The following ANO10 variants were observed in gnomAD, a reference collection of about 807,000 sequenced individuals.
The protein encoded by ANO10 is anoctamin-10.
ANO10 carries 77 observed loss-of-function variants against 74.7 expected under a neutral mutation model. The observed-to-expected ratio is 1.03, with a 90% CI of 0.86 to 1.25. ANO10 has a LOEUF of 1.25. Among genes scored for constraint, ANO10 ranks in the 50% most tolerant of loss-of-function variants. The pLI, the probability that ANO10 is intolerant of heterozygous loss-of-function variation, is 0.00. For missense variants in ANO10, 721 were observed against 778.1 expected (o/e 0.93, Z 0.87); for synonymous variants, 279 against 284.9 (o/e 0.98, Z 0.21).
intron 1 of ANO10, among the ~76,000 whole-genome samples, chr3:43,614,617 C>T (rs968018721): frequency 1.3e-5 from 2 of 151,662 alleles, no homozygotes; most frequent in Non-Finnish European, 2.9e-5. Flanking sequence ...AGAAAATCTA[C>T]CATTTTCACG....
chr3:43,635,703 T>A (rs1210116062), intron 1 of ANO10, among the ~76,000 whole-genome samples: 1 of 150,556 alleles, frequency 6.6e-6, no homozygotes, highest in Admixed American at 6.7e-5. Context: ...CACTGCAACC[T>A]CCGCCTTCTG....
intron 1 of ANO10, among the ~76,000 whole-genome samples, chr3:43,638,452 T>C (rs1194792435): frequency 6.6e-6 from 1 of 152,188 alleles, no homozygotes; most frequent in Non-Finnish European, 1.5e-5. Context: ...AATCAAGCAA[T>C]AAATGCATAT....
intron 12 of ANO10, among the ~76,000 whole-genome samples, chr3:43,367,296 G>C (rs1200776684): frequency 2.0e-5 from 3 of 152,224 alleles, no homozygotes; most frequent in Non-Finnish European, 4.4e-5. Flanking sequence ...GAGAGGACGG[G>C]GCACAGGCTT....
intron 11 of ANO10, among the ~76,000 whole-genome samples, chr3:43,472,156 A>G (rs957199826): frequency 2.0e-5 from 3 of 152,232 alleles, no homozygotes; most frequent in Non-Finnish European, 4.4e-5. Context: ...CCTATGTACT[A>G]TATGATTCCA....
At chr3:43,671,467 A>C (rs932246623) in intron 1 of ANO10, among the ~76,000 whole-genome samples, 6 of 152,168 alleles carry the variant, frequency 3.9e-5, no homozygotes, top group African/African-American at 1.4e-4. Flanking sequence ...TCAAGGAAGA[A>C]AACATAGGCT....
chr3:43,594,001 G>A (rs1308291997), intron 4 of ANO10, among the ~76,000 whole-genome samples: 7 of 152,014 alleles, frequency 4.6e-5, no homozygotes, highest in Non-Finnish European at 4.4e-5. Context: ...ACAAAGATCA[G>A]AAGAGACAAA....
chr3:43,490,601 G>A (rs2076681383), intron 11 of ANO10, among the ~76,000 whole-genome samples: 2 of 152,112 alleles, frequency 1.3e-5, no homozygotes, highest in South Asian at 2.1e-4. Flanking sequence ...AAGATGGAAG[G>A]CTCCTCCTAA....
At chr3:43,504,377 T>A (rs947718122) in intron 11 of ANO10, among the ~76,000 whole-genome samples, 2 of 151,804 alleles carry the variant, frequency 1.3e-5, no homozygotes, top group African/African-American at 2.4e-5. Flanking sequence ...TAAAGTGTGA[T>A]CTACAGGTGA....
intron 12 of ANO10, among the ~76,000 whole-genome samples, chr3:43,406,891 G>T (rs1366505860): frequency 6.6e-6 from 1 of 151,376 alleles, no homozygotes; most frequent in Non-Finnish European, 1.5e-5. Context: ...TGCACGCTGA[G>T]TCTCGCAACA....
At chr3:43,665,920 A>G (rs969051955) in intron 1 of ANO10, among the ~76,000 whole-genome samples, 2 of 152,190 alleles carry the variant, frequency 1.3e-5, no homozygotes, top group African/African-American at 4.8e-5. Context: ...AAGAGGTTTC[A>G]GCATGTGCTT....
chr3:43,495,376 A>C (rs2076875828), intron 11 of ANO10, among the ~76,000 whole-genome samples: 1 of 152,146 alleles, frequency 6.6e-6, no homozygotes, highest in Non-Finnish European at 1.5e-5. Context: ...AAAAATATAC[A>C]CTTGGGTTAT....
intron 1 of ANO10, among the ~76,000 whole-genome samples, chr3:43,681,216 A>G (rs890356137): frequency 1.3e-5 from 2 of 152,082 alleles, no homozygotes; most frequent in African/African-American, 4.8e-5. Context: ...TAGGCTCAAA[A>G]TAAAGGGATG....
At chr3:43,613,894 C>A (rs1171847067) in intron 1 of ANO10, among the ~76,000 whole-genome samples, 1 of 152,120 alleles carries the variant, frequency 6.6e-6, no homozygotes, top group Non-Finnish European at 1.5e-5. Flanking sequence ...ATTATTCTAA[C>A]ACATGGGCTA....
chr3:43,632,129 T>C (rs1298803747), intron 1 of ANO10, among the ~76,000 whole-genome samples: 1 of 151,990 alleles, frequency 6.6e-6, no homozygotes, highest in Non-Finnish European at 1.5e-5. Context: ...CTTCAGAATA[T>C]GATACAGAGT....
At chr3:43,424,805 T>C (rs1343582175) in intron 12 of ANO10, 1 of 152,230 alleles carries the variant, frequency 6.6e-6, no homozygotes, top group Non-Finnish European at 1.5e-5. Flanking sequence ...AGTGCAATTC[T>C]CCTGTCTTGA....
At position 43,366,945 on chromosome 3, in the gene ANO10, C is replaced by T. The variant is rs1256657492; in HGVS notation, c.1944G>A (p.Lys648=). Reference sequence around the variant, plus strand: ...CCTTCCCGCTTTCCATTGGTTCCTCCTTCAGGTTCTCGGTCACGAGCTTCA... The same window carrying T: ...CCTTCCCGCTTTCCATTGGTTCCTCTTTCAGGTTCTCGGTCACGAGCTTCA... The part of the protein sequence containing the change: ...QQMKLVTENL[K]EEPMESGKEK... Residue 648 remains lysine, a synonymous_variant, in exon 13 of 13, where the codon AAG becomes AAA. Transcript: ENST00000292246. 1.9e-6 allele frequency: 3 copies of T among 1,601,884 alleles called. No homozygotes were observed. The East Asian group carries it at 6.7e-5, about 36-fold the overall frequency.
At chr3:43,671,056 C>T (rs1287780571) in intron 1 of ANO10, among the ~76,000 whole-genome samples, 3 of 152,114 alleles carry the variant, frequency 2.0e-5, no homozygotes, top group African/African-American at 7.2e-5. Flanking sequence ...GTAATAGAAC[C>T]TCTCTATTCT....
At chr3:43,684,407 C>T (rs2084245702) in intron 1 of ANO10, among the ~76,000 whole-genome samples, 4 of 152,110 alleles carry the variant, frequency 2.6e-5, no homozygotes, top group African/African-American at 7.2e-5. Context: ...GTTAGAATGG[C>T]AATCATTAAA....
chr3:43,550,516 C>A (rs1392624602), intron 10 of ANO10, among the ~76,000 whole-genome samples: 1 of 152,074 alleles, frequency 6.6e-6, no homozygotes, highest in Non-Finnish European at 1.5e-5. Context: ...ATGGTGATCA[C>A]CACTTAATAA....
Sources: allele counts gnomAD v4.1 joint callset (sites outside exome capture counted in the v4.1 genomes callset), GRCh38; gene constraint gnomAD v4.1.1; transcripts MANE v1.5; gene names NCBI Gene and HGNC (gene_info 2026-07-23, HGNC 2026-07-21).